Variants in LIFR observed in about 807,000 individuals in gnomAD.
LIFR encodes leukemia inhibitory factor receptor.
In LIFR, 84 loss-of-function variants were observed where a neutral mutation model predicts 122.2. That is an observed-to-expected ratio of 0.69 (90% CI 0.58 to 0.82). The LOEUF is 0.82. Among genes scored for constraint, LIFR ranks in the 40% least tolerant of loss-of-function variants. The pLI is 0.00. For missense variants in LIFR, 1,294 were observed against 1,311.6 expected, an observed-to-expected ratio of 0.99 and a Z score of 0.21; for synonymous variants, 422 against 434.7, an observed-to-expected ratio of 0.97 and a Z score of 0.36.
intron 2 of LIFR, among the ~76,000 whole-genome samples, chr5:38,603,844 G>C (rs1488480889): frequency 1.3e-5 from 2 of 152,120 alleles, no homozygotes; most frequent in African/African-American, 4.8e-5. Flanking sequence ...TCATTCCTGT[G>C]GTCAGACTCA....
chr5:38,547,173 A>C (rs1462013086), intron 1 of LIFR, among the ~76,000 whole-genome samples: 1 of 152,172 alleles, frequency 6.6e-6, no homozygotes, highest in Non-Finnish European at 1.5e-5. Flanking sequence ...ATGTATCTAT[A>C]TGTACAATTT....
intron 5 of LIFR, 62 bp from the exon 6 acceptor site, chr5:38,512,026 A>G: frequency 6.7e-7 from 1 of 1,497,482 alleles, no homozygotes; most frequent in Non-Finnish European, 9.2e-7. Context: ...GCTTTCCTTT[A>G]GAATTAAAAG....
chr5:38,539,727 CTAG>C (rs1387700921), intron 1 of LIFR, among the ~76,000 whole-genome samples: 3 of 151,656 alleles, frequency 2.0e-5, no homozygotes, highest in Non-Finnish European at 4.4e-5. Flanking sequence ...TTTCTAAATT[CTAG>C]GAGGGGGAAA....
At chr5:38,539,319 A>G (rs1305817964) in intron 1 of LIFR, among the ~76,000 whole-genome samples, 8 of 152,140 alleles carry the variant, frequency 5.3e-5, no homozygotes, top group Admixed American at 1.3e-4. Context: ...CCCACTGGAC[A>G]TCAATTTCCC....
At chr5:38,585,339 G>A (rs1455493609) in intron 1 of LIFR, among the ~76,000 whole-genome samples, 1 of 152,184 alleles carries the variant, frequency 6.6e-6, no homozygotes, top group African/African-American at 2.4e-5. Context: ...CAGATCAAAA[G>A]GGGTTGTAAT....
intron 1 of LIFR, among the ~76,000 whole-genome samples, chr5:38,537,635 A>G (rs1184925042): frequency 6.6e-6 from 1 of 150,748 alleles, no homozygotes; most frequent in African/African-American, 2.4e-5. Flanking sequence ...TCCATTTCCC[A>G]GTACTTCTCA....
At chr5:38,554,657 A>G (rs1285201068) in intron 1 of LIFR, among the ~76,000 whole-genome samples, 1 of 152,148 alleles carries the variant, frequency 6.6e-6, no homozygotes, top group Non-Finnish European at 1.5e-5. Flanking sequence ...CATCTTTAGG[A>G]ATACAAACAA....
At chr5:38,524,931 AAC>A (rs2112550421) in intron 4 of LIFR, among the ~76,000 whole-genome samples, 1 of 152,332 alleles carries the variant, frequency 6.6e-6, no homozygotes, top group African/African-American at 2.4e-5. Flanking sequence ...TGCCAAATAA[AAC>A]AGTTTATAGA....
At chr5:38,519,544 C>G (rs902116220) in intron 5 of LIFR, among the ~76,000 whole-genome samples, 1 of 152,154 alleles carries the variant, frequency 6.6e-6, no homozygotes, top group East Asian at 1.9e-4. Context: ...CTATCTAACA[C>G]AGAACTTATA....
intron 11 of LIFR, among the ~76,000 whole-genome samples, chr5:38,501,993 TAA>T (rs200206830): frequency 3.5e-4 from 53 of 149,498 alleles, no homozygotes; most frequent in Middle Eastern, 3.4e-3. Context: ...TTTTTTTTTT[TAA>T]AAAAAAGGCC....
chr5:38,476,035 C>T lies in LIFR; in HGVS notation c.*5560G>A. The T allele has an allele frequency of 1.0e-5, 2 of 199,320 alleles. No individual in the cohort carries two copies. The highest frequency in any genetic ancestry group is 2.1e-5 in the Non-Finnish European group (2 of 96,282). The allele number at this position is 199,320 out of a possible 1,614,324, so 12.3% of individuals were successfully genotyped here. A position where few individuals can be genotyped will look rare whatever the true frequency, so the allele number is the denominator to read the frequency against. Reference sequence around the variant, plus strand: ...ACCCCTCCACAACAATGAAAGGTTTCTTTTTCGTGTTGTCTCCCGCTACTC... The same window carrying T: ...ACCCCTCCACAACAATGAAAGGTTTTTTTTTCGTGTTGTCTCCCGCTACTC... On this transcript the variant is annotated 3_prime_UTR_variant, in exon 20 of 20. Coordinates refer to ENST00000453190, the MANE Select transcript of LIFR (RefSeq NM_001127671.2).
intron 1 of LIFR, among the ~76,000 whole-genome samples, chr5:38,533,386 T>C (rs1368769988): frequency 6.6e-6 from 1 of 152,172 alleles, no homozygotes. Flanking sequence ...TCTTAGACCA[T>C]CATAAAGCAC....
intron 1 of LIFR, among the ~76,000 whole-genome samples, chr5:38,554,801 T>G (rs945608485): frequency 6.6e-6 from 1 of 152,230 alleles, no homozygotes; most frequent in Non-Finnish European, 1.5e-5. Flanking sequence ...TCTTCTCCAG[T>G]GTGAATAGAT....
Position 38,477,194 on chromosome 5 carries a change from A to G in LIFR, c.*4401T>C. The G allele has an allele frequency of 4.5e-6, 1 of 221,508 alleles. No homozygotes were observed. The highest frequency in any genetic ancestry group is 9.0e-6 in the Non-Finnish European group (1 of 110,716). 13.7% of individuals were successfully genotyped at this position (221,508 alleles called of 1,614,324 possible). A position where few individuals can be genotyped will look rare whatever the true frequency, so the allele number is the denominator to read the frequency against. On this transcript the variant is annotated 3_prime_UTR_variant, in exon 20 of 20. Coordinates refer to ENST00000453190, the MANE Select transcript of LIFR (RefSeq NM_001127671.2). ...AAAAAAATCTAACCACCATAGCAAA[A>G]TAAGGGGTTTAAGTATTATTAATAG...
intron 1 of LIFR, among the ~76,000 whole-genome samples, chr5:38,578,203 TTTTC>T (rs1202910322): frequency 1.6e-5 from 1 of 63,758 alleles, no homozygotes; most frequent in African/African-American, 6.8e-5. Flanking sequence ...TTCTTTTTCT[TTTTC>T]TTTTTTTTTT....
At chr5:38,593,489 T>C (rs1224550624) in intron 1 of LIFR, among the ~76,000 whole-genome samples, 1 of 152,164 alleles carries the variant, frequency 6.6e-6, no homozygotes, top group Non-Finnish European at 1.5e-5. Flanking sequence ...GGCTATTATA[T>C]TGGACCACAC....
chr5:38,491,504 T>C (rs1744591388), intron 14 of LIFR, among the ~76,000 whole-genome samples: 1 of 152,090 alleles, frequency 6.6e-6, no homozygotes, highest in Admixed American at 6.5e-5. Flanking sequence ...TGCTCATCAG[T>C]GGTGGTCGAG....
chr5:38,530,851 G>A (rs1358494372), intron 1 of LIFR, 185 bp from the exon 2 acceptor site: 1 of 580,314 alleles, frequency 1.7e-6, no homozygotes, highest in Non-Finnish European at 3.1e-6. Context: ...CACAGCTGTT[G>A]CTTTAGGTAT....
rs183309967 is a variant in LIFR, at chr5:38,602,360, T to C, written n.305+3845A>G. ...GTACAAATAGTGTTAGTCTCCATAA[T>C]TGACCATGCTGTTTCACAATTCCAC... On this transcript the variant is annotated intron_variant and non_coding_transcript_variant, in intron 2 of 3. Coordinates refer to the LIFR transcript ENST00000507786. Among the ~76,000 whole-genome samples, 563 of 152,352 alleles carry C rather than the reference T, an allele frequency of 3.7e-3. 3 individuals are homozygous for C. The highest frequency in any genetic ancestry group is 6.6e-3 in the South Asian group (32 of 4,824).
Sources: gnomAD v4.1 joint callset for allele counts (sites outside exome capture counted in the v4.1 genomes callset) on GRCh38, gnomAD v4.1.1 for gene constraint, MANE v1.5 for transcripts, NCBI Gene and HGNC (gene_info 2026-07-23, HGNC 2026-07-21) for gene names.